The following SLC8A1 variants were observed in gnomAD, a reference collection of about 807,000 sequenced individuals.
SLC8A1 encodes the protein sodium/calcium exchanger 1.
A neutral mutation model predicts 68.3 loss-of-function variants in SLC8A1; 18 were observed. That is an observed-to-expected ratio of 0.26 (90% CI 0.18 to 0.39). The LOEUF (loss-of-function observed/expected upper bound fraction) is 0.39. Ranked by LOEUF, SLC8A1 falls within the 10% of genes least tolerant of loss-of-function variation. The pLI is 1.00. For missense variants in SLC8A1, 985 were observed against 1,156.7 expected (o/e 0.85, Z 2.15); for synonymous variants, 475 against 415.5 (o/e 1.14, Z -1.74).
chr2:40,355,895 T>C (rs1672512736), intron 2 of SLC8A1, among the ~76,000 whole-genome samples: 1 of 152,168 alleles, frequency 6.6e-6, no homozygotes, highest in South Asian at 2.1e-4. Flanking sequence ...ACAAACCCCA[T>C]TAAGTGGGAT....
intron 2 of SLC8A1, among the ~76,000 whole-genome samples, chr2:40,240,118 T>G (rs2061014551): frequency 6.6e-6 from 1 of 152,136 alleles, no homozygotes; most frequent in Non-Finnish European, 1.5e-5. Context: ...AGTATATCAT[T>G]TTGTGCACAC....
chr2:40,339,321 T>C (rs1426992994), intron 2 of SLC8A1, among the ~76,000 whole-genome samples: 2 of 152,158 alleles, frequency 1.3e-5, no homozygotes, highest in African/African-American at 4.8e-5. Context: ...CATTCTCTCA[T>C]TACCTCTCAT....
chr2:40,340,514 T>C (rs1667352904), intron 2 of SLC8A1, among the ~76,000 whole-genome samples: 2 of 152,246 alleles, frequency 1.3e-5, no homozygotes, highest in East Asian at 1.9e-4. Flanking sequence ...TGAGCTGAGA[T>C]CGTGCGACTG....
At chr2:40,170,564 G>A (rs1464734185) in intron 4 of SLC8A1, among the ~76,000 whole-genome samples, 2 of 152,166 alleles carry the variant, frequency 1.3e-5, no homozygotes, top group Non-Finnish European at 2.9e-5. Flanking sequence ...AGAGATGAGC[G>A]AGTATTTCAT....
At chr2:40,291,002 A>T (rs2069206233) in intron 2 of SLC8A1, among the ~76,000 whole-genome samples, 1 of 152,188 alleles carries the variant, frequency 6.6e-6, no homozygotes, top group South Asian at 2.1e-4. Flanking sequence ...TAAAAATTCA[A>T]TGTAATCTAC....
At chr2:40,468,814 G>A (rs1032766628) in intron 1 of SLC8A1, among the ~76,000 whole-genome samples, 1 of 151,976 alleles carries the variant, frequency 6.6e-6, no homozygotes, top group East Asian at 1.9e-4. Context: ...GGTGGCTCAC[G>A]ACTATAATCC....
At chr2:40,214,673 C>T (rs2057175888) in intron 2 of SLC8A1, among the ~76,000 whole-genome samples, 1 of 151,886 alleles carries the variant, frequency 6.6e-6, no homozygotes, top group African/African-American at 2.4e-5. Context: ...CTCCTGACTT[C>T]CTGATCCGCC....
At chr2:40,192,912 C>A (rs1301590927) in intron 2 of SLC8A1, among the ~76,000 whole-genome samples, 1 of 152,082 alleles carries the variant, frequency 6.6e-6, no homozygotes, top group East Asian at 1.9e-4. Context: ...CTTCAGACCC[C>A]CTAAGAATGT....
chr2:40,329,758 G>A (rs1264977287), intron 2 of SLC8A1, among the ~76,000 whole-genome samples: 1 of 152,074 alleles, frequency 6.6e-6, no homozygotes, highest in Non-Finnish European at 1.5e-5. Flanking sequence ...CTTTAAGCAG[G>A]GAAGACTCCC....
At chr2:40,217,550 CA>C (rs2057687107) in intron 2 of SLC8A1, among the ~76,000 whole-genome samples, 1 of 152,118 alleles carries the variant, frequency 6.6e-6, no homozygotes, top group Non-Finnish European at 1.5e-5. Context: ...GTTGTGTAGG[CA>C]ACACAATAGA....
intron 2 of SLC8A1, among the ~76,000 whole-genome samples, chr2:40,396,120 C>G (rs1686816187): frequency 1.3e-5 from 2 of 152,140 alleles, no homozygotes; most frequent in African/African-American, 4.8e-5. Context: ...AGGAATGTAT[C>G]TCTGTCAGGG....
At chr2:40,441,116 A>T (rs938502167) in intron 1 of SLC8A1, among the ~76,000 whole-genome samples, 2 of 152,192 alleles carry the variant, frequency 1.3e-5, no homozygotes, top group Non-Finnish European at 2.9e-5. Context: ...TATCCCAAGC[A>T]TTCCTATACA....
At chr2:40,226,777 C>G (rs1225383954) in intron 2 of SLC8A1, among the ~76,000 whole-genome samples, 1 of 152,134 alleles carries the variant, frequency 6.6e-6, no homozygotes, top group Non-Finnish European at 1.5e-5. Context: ...TAAAAGATTA[C>G]TTGGTAGCTT....
At chr2:40,111,422 T>C (rs2034545748) in exon 8 of SLC8A1, 1 of 152,156 alleles carries the variant, frequency 6.6e-6, no homozygotes, top group Admixed American at 6.5e-5. Context: ...AAATAATTCC[T>C]TCATTCATAC....
intron 1 of SLC8A1, among the ~76,000 whole-genome samples, chr2:40,485,794 G>C (rs1246447654): frequency 4.6e-5 from 7 of 152,116 alleles, no homozygotes; most frequent in African/African-American, 1.7e-4. Context: ...AAAAGAGAGA[G>C]GGCATTTTAT....
intron 1 of SLC8A1, among the ~76,000 whole-genome samples, chr2:40,506,793 T>C (rs1706398500): frequency 6.6e-6 from 1 of 151,982 alleles, no homozygotes; most frequent in Admixed American, 6.6e-5. Context: ...AAATCATCTC[T>C]GGGAAAATGA....
chr2:40,509,437 ATTTTTTT>A (rs367549288), intron 1 of SLC8A1, among the ~76,000 whole-genome samples: 11 of 113,728 alleles, frequency 9.7e-5, no homozygotes, highest in East Asian at 2.8e-4. Context: ...GGGATTTGGA[ATTTTTTT>A]TTTTTTTTTT....
chr2:40,102,175 TG>T (rs2033933512), exon 8 of SLC8A1: 1 of 152,144 alleles, frequency 6.6e-6, no homozygotes, highest in Non-Finnish European at 1.5e-5. Flanking sequence ...TGATTCAAAA[TG>T]TGAGTCCCTA....
At chr2:40,390,210 C>A in intron 2 of SLC8A1, among the ~76,000 whole-genome samples, 1 of 152,088 alleles carries the variant, frequency 6.6e-6, no homozygotes, top group East Asian at 1.9e-4. Flanking sequence ...GACAGATTCA[C>A]CTATCGTTTC....
Sources: allele counts gnomAD v4.1 joint callset (sites outside exome capture counted in the v4.1 genomes callset), GRCh38; gene constraint gnomAD v4.1.1; transcripts MANE v1.5; gene names NCBI Gene and HGNC (gene_info 2026-07-23, HGNC 2026-07-21).